GPC5: variants seen among roughly 807,000 people sequenced by gnomAD.
GPC5 encodes the protein glypican-5.
A neutral mutation model predicts 53.9 loss-of-function variants in GPC5; 47 were observed. The ratio of observed to expected loss-of-function variants is 0.87; its 90% CI spans 0.69 to 1.11. The LOEUF is 1.11. Among genes scored for constraint, GPC5 ranks in the 50% most tolerant of loss-of-function variants. The probability of loss-of-function intolerance (pLI) is 0.00; values close to 1 mark genes in which losing one functional copy is unlikely to be tolerated. For missense variants in GPC5, 748 were observed against 713.1 expected, an observed-to-expected ratio of 1.05 and a Z score of -0.56; for synonymous variants, 286 against 263.3, an observed-to-expected ratio of 1.09 and a Z score of -0.84.
intron 2 of GPC5, among the ~76,000 whole-genome samples, chr13:91,628,508 C>CTGTCTGTCTGTCTGTCTG (rs3084145): frequency 8.1e-6 from 1 of 123,058 alleles, no homozygotes; most frequent in East Asian, 2.2e-4. Context: ...CTGTCTATCT[C>CTGTCTGTCTGTCTGTCTG]TCTATCTATC....
intron 2 of GPC5, among the ~76,000 whole-genome samples, chr13:91,492,577 TGAG>T (rs963140617): frequency 6.6e-6 from 1 of 152,214 alleles, no homozygotes; most frequent in African/African-American, 2.4e-5. Flanking sequence ...AGTCCAGTCT[TGAG>T]AGACTGGATG....
intron 7 of GPC5, among the ~76,000 whole-genome samples, chr13:92,451,678 C>A (rs1878066294): frequency 6.6e-6 from 1 of 152,150 alleles, no homozygotes; most frequent in Non-Finnish European, 1.5e-5. Context: ...AGTCACTAAT[C>A]CAATCTTGTT....
At chr13:92,385,383 T>TATATAC (rs1566567279) in intron 7 of GPC5, among the ~76,000 whole-genome samples, 582 of 39,052 alleles carry the variant, frequency 0.015, 36 homozygotes, top group East Asian at 0.04. Context: ...CATATATACA[T>TATATAC]ATATATACAT....
chr13:92,338,854 AAT>A (rs1184503469), intron 7 of GPC5, among the ~76,000 whole-genome samples: 3 of 152,154 alleles, frequency 2.0e-5, no homozygotes, highest in Admixed American at 2.0e-4. Flanking sequence ...AAGAATGTAC[AAT>A]ATCAACAGTA....
At chr13:91,887,477 T>G (rs2039337057) in intron 5 of GPC5, among the ~76,000 whole-genome samples, 1 of 152,194 alleles carries the variant, frequency 6.6e-6, no homozygotes, top group Non-Finnish European at 1.5e-5. Context: ...TCCTTGTTAT[T>G]TATGCAAATT....
intron 7 of GPC5, among the ~76,000 whole-genome samples, chr13:92,829,608 C>T (rs1238632354): frequency 6.6e-6 from 1 of 152,066 alleles, no homozygotes; most frequent in African/African-American, 2.4e-5. Context: ...ACATTTTAAT[C>T]CCACAGTATT....
intron 7 of GPC5, among the ~76,000 whole-genome samples, chr13:92,776,323 TACACATACAC>T (rs1231880830): frequency 2.0e-5 from 3 of 152,104 alleles, no homozygotes; most frequent in African/African-American, 7.2e-5. Context: ...CTCTCTTTCT[TACACATACAC>T]ACTCACTCAC....
At chr13:91,654,518 A>G (rs80321160) in intron 2 of GPC5, among the ~76,000 whole-genome samples, 2,887 of 152,276 alleles carry the variant, frequency 0.019, 86 homozygotes, top group African/African-American at 0.066. Context: ...ATATTTATAT[A>G]ATATGAAATA....
intron 5 of GPC5, among the ~76,000 whole-genome samples, chr13:91,887,530 T>G (rs961135300): frequency 6.6e-6 from 1 of 152,222 alleles, no homozygotes; most frequent in Non-Finnish European, 1.5e-5. Flanking sequence ...TGGATTTTCT[T>G]TTCTCTTGCA....
intron 6 of GPC5, among the ~76,000 whole-genome samples, chr13:92,106,888 C>G (rs1236472212): frequency 2.0e-5 from 3 of 152,086 alleles, no homozygotes; most frequent in African/African-American, 7.2e-5. Flanking sequence ...AGATGACTTG[C>G]TCATACACCT....
At chr13:91,919,122 T>C (rs1294490474) in intron 6 of GPC5, among the ~76,000 whole-genome samples, 1 of 152,162 alleles carries the variant, frequency 6.6e-6, no homozygotes, top group Non-Finnish European at 1.5e-5. Context: ...GGTGTCATCT[T>C]TAATTCTTCT....
At chr13:92,293,397 ACTC>A (rs2043011307) in intron 7 of GPC5, among the ~76,000 whole-genome samples, 1 of 86,786 alleles carries the variant, frequency 1.2e-5, no homozygotes, top group South Asian at 3.5e-4. Context: ...GGTTAGGTAT[ACTC>A]CTAAGGTTGG....
chr13:91,720,686 G>T (rs1157572444), intron 3 of GPC5, among the ~76,000 whole-genome samples: 1 of 152,116 alleles, frequency 6.6e-6, no homozygotes, highest in Admixed American at 6.5e-5. Flanking sequence ...TTGGATGAGT[G>T]ATTGTCATAG....
chr13:91,767,208 C>T (rs917975040), intron 5 of GPC5, among the ~76,000 whole-genome samples: 2 of 152,038 alleles, frequency 1.3e-5, no homozygotes, highest in African/African-American at 4.8e-5. Context: ...AGGAGATATT[C>T]CCATATCAAT....
chr13:92,786,333 T>C (rs570823433), intron 7 of GPC5, among the ~76,000 whole-genome samples: 20 of 152,244 alleles, frequency 1.3e-4, no homozygotes, highest in South Asian at 1.0e-3. Context: ...AGTTGAAAGA[T>C]GTGTATGATT....
At chr13:92,217,452 C>T (rs921160452) in intron 7 of GPC5, among the ~76,000 whole-genome samples, 2 of 152,158 alleles carry the variant, frequency 1.3e-5, no homozygotes, top group Non-Finnish European at 2.9e-5. Flanking sequence ...CCTGGCCTGT[C>T]TTCAGTAGGA....
intron 7 of GPC5, among the ~76,000 whole-genome samples, chr13:92,432,817 G>A (rs1877151810): frequency 6.6e-6 from 1 of 152,030 alleles, no homozygotes; most frequent in Non-Finnish European, 1.5e-5. Context: ...TAAGTAGCAT[G>A]ATTAAATGAG....
rs1046875698 is a variant in GPC5, at chr13:92,771,802, C to T, written c.1562-94480C>T. On this transcript the variant is annotated intron_variant, in intron 7 of 7. Coordinates refer to ENST00000377067, the MANE Select transcript of GPC5 (RefSeq NM_004466.6). ...AACACCATCTGTATTTCTTACAATC[C>T]GTAAATTTATAGCTCCAGCTTCAGC... Among the ~76,000 whole-genome samples, 10 of 152,128 alleles carry T rather than the reference C, an allele frequency of 6.6e-5. No individual in the cohort carries two copies. In the East Asian group the frequency reaches 9.6e-4, roughly 15 times the overall value.
At chr13:92,396,950 A>G (rs1875308550) in intron 7 of GPC5, among the ~76,000 whole-genome samples, 1 of 152,166 alleles carries the variant, frequency 6.6e-6, no homozygotes, top group African/African-American at 2.4e-5. Flanking sequence ...TTGCTATGGA[A>G]AACACTCTGG....
Sources: allele counts gnomAD v4.1 joint callset (sites outside exome capture counted in the v4.1 genomes callset), GRCh38; gene constraint gnomAD v4.1.1; transcripts MANE v1.5; gene names NCBI Gene and HGNC (gene_info 2026-07-23, HGNC 2026-07-21).